Variants in BDP1 observed in about 807,000 individuals in gnomAD.
BDP1 encodes the protein transcription factor TFIIIB component B'' homolog.
A neutral mutation model predicts 266.6 loss-of-function variants in BDP1; 169 were observed. The ratio of observed to expected loss-of-function variants is 0.63; its 90% CI spans 0.56 to 0.72. The LOEUF is 0.72. BDP1 is among the 30% of genes least tolerant of loss of function. The pLI is 0.00. For synonymous variants in BDP1, 1,090 were observed against 1,022.4 expected (o/e 1.07, Z -1.26); for missense variants, 3,015 against 3,053.8 (o/e 0.99, Z 0.30).
downstream of BDP1, among the ~76,000 whole-genome samples, chr5:71,570,720 G>A (rs535565298): frequency 2.0e-5 from 3 of 152,340 alleles, no homozygotes; most frequent in East Asian, 5.8e-4. Flanking sequence ...AGGTCAAGGG[G>A]CCTAATTCCT....
At chr5:71,534,806 T>C (rs1766487781) in intron 26 of BDP1, among the ~76,000 whole-genome samples, 1 of 152,142 alleles carries the variant, frequency 6.6e-6, no homozygotes, top group Non-Finnish European at 1.5e-5. Context: ...CACGCCCTGC[T>C]AATTTTGTAT....
intron 25 of BDP1, 142 bp from the exon 26 acceptor site, chr5:71,532,166 C>T (rs770996937): frequency 1.5e-6 from 1 of 659,148 alleles, no homozygotes; most frequent in Non-Finnish European, 2.4e-6. Flanking sequence ...AAGAATTACT[C>T]CATTCCATTT....
intron 11 of BDP1, among the ~76,000 whole-genome samples, chr5:71,492,087 G>A (rs978480676): frequency 6.6e-6 from 1 of 152,212 alleles, no homozygotes; most frequent in South Asian, 2.1e-4. Flanking sequence ...CATCCATGGT[G>A]TAGCATATGA....
At chr5:71,515,937 C>T in intron 20 of BDP1, 124 bp from the exon 21 acceptor site, 14 of 610,654 alleles carry the variant, frequency 2.3e-5, no homozygotes, top group Non-Finnish European at 3.4e-5. Context: ...AAGCAATTTC[C>T]CTTTAATGGT....
rs1477316223 is a variant in BDP1 at position 71,490,987 on chromosome 5, A to C, written c.1496A>C (p.Lys499Thr). ...AACATGCATTTTGTATTTGTAGATA[A>C]ATGTCAGGCTATAAGGCCTGAGCTA... Reference protein sequence around the residue: ...GPSKGEKHKNKCQAIRPELKE... With the variant: ...GPSKGEKHKNTCQAIRPELKE... Residue 499 changes from lysine to threonine, a missense_variant, in exon 11 of 39, where the codon AAA becomes ACA. This residue lies in a region of BDP1 where 2,383 missense variants were observed against 2,404.9 expected (regional missense o/e 0.99). Transcript: ENST00000358731. The C allele has an allele frequency of 1.3e-6, 2 of 1,591,420 alleles. No individual in the cohort carries two copies. Among genetic ancestry groups the C allele is most frequent in the African/African-American group, 2.7e-5 (2 of 73,910 alleles).
intron 27 of BDP1, 34 bp from the exon 28 acceptor site, chr5:71,539,523 T>G (rs754341334): frequency 1.3e-6 from 2 of 1,520,974 alleles, no homozygotes; most frequent in Admixed American, 3.5e-5. Context: ...CCGGATTCAT[T>G]CTTTTTTTTA....
chr5:71,482,522 A>G (rs1305325294), intron 7 of BDP1, among the ~76,000 whole-genome samples: 1 of 152,208 alleles, frequency 6.6e-6, no homozygotes, highest in Non-Finnish European at 1.5e-5. Context: ...AGAAGTGGAA[A>G]TTATGGGATT....
chr5:71,560,657 A>G (rs1743580346), intron 37 of BDP1, among the ~76,000 whole-genome samples: 1 of 152,200 alleles, frequency 6.6e-6, no homozygotes, highest in Non-Finnish European at 1.5e-5. Context: ...CTTTCTCCCC[A>G]TAAGAATAAG....
chr5:71,578,082 G>A, the BDP1 span, among the ~76,000 whole-genome samples: 11 of 152,060 alleles, frequency 7.2e-5, no homozygotes, highest in East Asian at 1.2e-3. Flanking sequence ...CCCTGGCCCC[G>A]GCTCCTTGAG....
chr5:71,563,235 T>C (rs1743804246), intron 38 of BDP1, among the ~76,000 whole-genome samples: 1 of 152,038 alleles, frequency 6.6e-6, no homozygotes, highest in African/African-American at 2.4e-5. Flanking sequence ...GCAACCTCCA[T>C]CCCCTGGGTT....
In BDP1 at chr5:71,564,827, C is replaced by A; in HGVS notation, c.7817C>A (p.Thr2606Asn). The stretch of plus-strand genomic sequence containing the variant: ...AAGCGGGCCCCTCAAGGGGAGGCAA[C>A]CACAGTCTCTGAATATTTCTTCAAT... Reference protein sequence around the residue: ...AQKRAPQGEATTVSEYFFNDI... With the variant: ...AQKRAPQGEANTVSEYFFNDI... The change falls in exon 39 of 39, where the codon ACC becomes AAC. Residue 2606 changes from threonine to asparagine, a missense_variant. Coordinates refer to ENST00000358731, the MANE Select transcript of BDP1 (RefSeq NM_018429.3). 6.2e-7 allele frequency: 1 copy of A among 1,611,454 alleles called. No homozygotes were observed. Among genetic ancestry groups the A allele is most frequent in the Non-Finnish European group, 8.5e-7 (1 of 1,179,614 alleles).
At chr5:71,506,753 G>C (rs1764595353) in intron 16 of BDP1, among the ~76,000 whole-genome samples, 1 of 127,220 alleles carries the variant, frequency 7.9e-6, no homozygotes, top group African/African-American at 3.2e-5. Context: ...TGTTTGTTTG[G>C]AGGTTTATAT....
At chr5:71,456,224 A>G (rs1425410358) in intron 1 of BDP1, 135 bp downstream of exon 1, 2 of 792,004 alleles carry the variant, frequency 2.5e-6, no homozygotes, top group Admixed American at 2.8e-5. Flanking sequence ...GCTTGATGAA[A>G]CCACTCCAAA....
chr5:71,495,362 G>A lies in BDP1; in HGVS notation c.1753G>A (p.Gly585Ser). The change falls in exon 12 of 39, where the codon GGT (glycine) becomes AGT (serine). Residue 585 changes from glycine (G) to serine (S), a missense_variant. Around this residue, in one of 3 missense-constraint regions of BDP1, gnomAD observed 2,383 missense variants for 2,404.9 expected, o/e 0.99. Transcript: ENST00000358731. ...ATTGTGTGAGGTGAATAATGCTGAG[G>A]GTAGTTGTATAGAAGAAAGAAATGT... Reference protein sequence around the residue: ...RALCEVNNAEGSCIEERNVDL... With the variant: ...RALCEVNNAESSCIEERNVDL... 1 of 1,596,600 alleles carries A rather than the reference G, an allele frequency of 6.3e-7. No individual in the cohort carries two copies. Among genetic ancestry groups the A allele is most frequent in the Non-Finnish European group, 8.5e-7 (1 of 1,170,186 alleles).
chr5:71,526,603 GA>G (rs1208519857), intron 25 of BDP1, among the ~76,000 whole-genome samples: 2 of 110,846 alleles, frequency 1.8e-5, no homozygotes, highest in East Asian at 2.8e-4. Flanking sequence ...GAGACAGAGC[GA>G]GACTCTATCT....
intron 26 of BDP1, among the ~76,000 whole-genome samples, chr5:71,536,119 C>G (rs1258917606): frequency 6.6e-6 from 1 of 152,082 alleles, no homozygotes; most frequent in Non-Finnish European, 1.5e-5. Context: ...GGTCTTATTC[C>G]TGATCTTAGG....
rs914015900 is a variant in BDP1, at chr5:71,470,486, T to G, written c.1011T>G (p.Ile337Met). 3.1e-6 allele frequency: 5 copies of G among 1,595,816 alleles called. No homozygotes were observed. The highest frequency in any genetic ancestry group is 1.7e-5 in the Admixed American group (1 of 59,488). Residue 337 changes from isoleucine (I) to methionine (M), a missense_variant, in exon 7 of 39, where the codon ATT becomes ATG. By Grantham distance (10) the Ile-to-Met change is conservative. Transcript: ENST00000358731. ...TTCCTCACAGAGCAAGGATAGAAAT[T>G]AAGGTAAAGTAAACCCATCACATTT... The part of the protein sequence containing the change: ...QLFPHRARIE[I>M]KNKFKREEKT...
Position 71,513,372 on chromosome 5 carries a change from A to G in BDP1, c.4435A>G (p.Asn1479Asp), listed in dbSNP as rs781411956. ...AATGGAGACTATTGTGATGCAAGAA[A>G]ATAATGAACAAACTGATACTCTCCC... is the stretch of plus-strand genomic sequence containing the variant. Reference protein sequence around the residue: ...KKMETIVMQENNEQTDTLPSQ... With the variant: ...KKMETIVMQEDNEQTDTLPSQ... Residue 1479 changes from asparagine to aspartate, a missense_variant, in exon 19 of 39, where the codon AAT becomes GAT. Asn to Asp is a conservative substitution (Grantham distance 23, BLOSUM62 1). Around this residue, in one of 3 missense-constraint regions of BDP1, gnomAD observed 2,383 missense variants for 2,404.9 expected, o/e 0.99. Coordinates refer to ENST00000358731, the MANE Select transcript of BDP1 (RefSeq NM_018429.3). 1.3e-6 allele frequency: 2 copies of G among 1,595,698 alleles called. No individual in the cohort carries two copies. The highest frequency in any genetic ancestry group is 1.7e-6 in the Non-Finnish European group (2 of 1,171,148).
At chr5:71,530,082 T>A (rs888847136) in intron 25 of BDP1, among the ~76,000 whole-genome samples, 4 of 152,240 alleles carry the variant, frequency 2.6e-5, no homozygotes, top group South Asian at 2.1e-4. Flanking sequence ...AAGTCTTTTT[T>A]AAAATAAACT....
Sources: allele counts gnomAD v4.1 joint callset (sites outside exome capture counted in the v4.1 genomes callset), GRCh38; gene constraint gnomAD v4.1.1; regional missense constraint gnomAD v4.1.1; transcripts MANE v1.5; gene names NCBI Gene and HGNC (gene_info 2026-07-23, HGNC 2026-07-21).